The following PSD3 variants were observed in gnomAD, a reference collection of about 807,000 sequenced individuals.
PSD3 encodes the protein PH and SEC7 domain-containing protein 3.
A neutral mutation model predicts 105.5 loss-of-function variants in PSD3; 49 were observed. The observed-to-expected ratio is 0.46, with a 90% CI of 0.37 to 0.59. The LOEUF is 0.59. Ranked by LOEUF, PSD3 falls within the 20% of genes least tolerant of loss-of-function variation. PSD3 has a pLI of 0.00. For missense variants in PSD3, 1,561 were observed against 1,263.8 expected, an observed-to-expected ratio of 1.24 and a Z score of -3.57; for synonymous variants, 557 against 457.8, an observed-to-expected ratio of 1.22 and a Z score of -2.77.
Position 18,867,928 on chromosome 8 carries a change from G to A in PSD3, c.1380C>T (p.Ser460=). The A allele has an allele frequency of 6.2e-7, 1 of 1,614,104 alleles. No individual in the cohort carries two copies. Among genetic ancestry groups the A allele is most frequent in the Non-Finnish European group, 8.5e-7 (1 of 1,180,020 alleles). ...CAGGCTCTGAGTATAATGTCTCCAGGGACTCTGCACTGTAGTATAAAGAAG... is the reference window on the plus strand; with the variant it reads ...CAGGCTCTGAGTATAATGTCTCCAGAGACTCTGCACTGTAGTATAAAGAAG... The part of the protein sequence containing the change: ...DNTSLYYSAE[S]LETLYSEPDS... Residue 460 remains serine, a synonymous_variant, in exon 4 of 16, where the codon TCC becomes TCT. Transcript: ENST00000327040.
chr8:19,043,703 G>C (rs1385264861), intron 1 of PSD3, among the ~76,000 whole-genome samples: 2 of 152,112 alleles, frequency 1.3e-5, no homozygotes, highest in Non-Finnish European at 2.9e-5. Context: ...CTTAATAAAA[G>C]GGCTTTTGAG....
chr8:18,554,189 G>T (rs193072633), intron 15 of PSD3, among the ~76,000 whole-genome samples: 76 of 152,322 alleles, frequency 5.0e-4, no homozygotes, highest in African/African-American at 1.7e-3. Flanking sequence ...AAGGGCTCCA[G>T]CGAGGTGCTG....
At chr8:18,983,737 G>A (rs1825355113) in intron 1 of PSD3, among the ~76,000 whole-genome samples, 1 of 152,004 alleles carries the variant, frequency 6.6e-6, no homozygotes, top group Non-Finnish European at 1.5e-5. Context: ...AGTGGCTCAT[G>A]CCTGTAATCC....
chr8:18,968,384 C>T (rs759548008), intron 1 of PSD3, among the ~76,000 whole-genome samples: 1 of 152,202 alleles, frequency 6.6e-6, no homozygotes, highest in Non-Finnish European at 1.5e-5. Context: ...CAATTGTCCT[C>T]GTTCAAATGG....
intron 2 of PSD3, among the ~76,000 whole-genome samples, chr8:18,900,565 G>A (rs1819438507): frequency 6.6e-6 from 1 of 151,652 alleles, no homozygotes; most frequent in African/African-American, 2.4e-5. Context: ...TACTTTGTAT[G>A]GGTTCCACGG....
intron 8 of PSD3, among the ~76,000 whole-genome samples, chr8:18,781,507 G>T (rs964681918): frequency 1.3e-5 from 2 of 152,118 alleles, no homozygotes; most frequent in Non-Finnish European, 2.9e-5. Flanking sequence ...TTGAACTTTG[G>T]GGGTAGGGTT....
chr8:18,580,063 T>C (rs911297484), intron 12 of PSD3, among the ~76,000 whole-genome samples: 4 of 152,246 alleles, frequency 2.6e-5, no homozygotes, highest in South Asian at 2.1e-4. Flanking sequence ...ATGTTTTTTA[T>C]AATTTGATGA....
At chr8:19,051,391 C>G (rs1432486965) in intron 1 of PSD3, among the ~76,000 whole-genome samples, 2 of 152,084 alleles carry the variant, frequency 1.3e-5, no homozygotes, top group Non-Finnish European at 2.9e-5. Context: ...TATACTTATT[C>G]GTGTTATCAA....
In PSD3 at chr8:18,823,434, A is replaced by T. The variant is rs188213153; in HGVS notation, c.1635-18536T>A. Among the ~76,000 whole-genome samples the T allele has an allele frequency of 5.1e-4, 78 of 152,310 alleles. 1 individual carries two copies. The highest frequency in any genetic ancestry group is 9.0e-4 in the Non-Finnish European group (61 of 68,016). ...ACAAAATACAAGTAAAGTGGCAATAATAGCAAAGGCGTGAATTCTCCCCTC... is the reference window on the plus strand; with the variant it reads ...ACAAAATACAAGTAAAGTGGCAATATTAGCAAAGGCGTGAATTCTCCCCTC... On this transcript the variant is annotated intron_variant, in intron 4 of 15. Coordinates refer to ENST00000327040, the MANE Select transcript of PSD3 (RefSeq NM_015310.4).
At chr8:18,557,344 G>A (rs1176747229) in intron 14 of PSD3, 1 of 151,966 alleles carries the variant, frequency 6.6e-6, no homozygotes, top group African/African-American at 2.4e-5. Context: ...TAGAATGAGG[G>A]GAATAATTTT....
intron 8 of PSD3, among the ~76,000 whole-genome samples, chr8:18,784,553 G>A (rs1808947235): frequency 6.6e-6 from 1 of 152,162 alleles, no homozygotes; most frequent in African/African-American, 2.4e-5. Flanking sequence ...GGTAGCAGTG[G>A]GTTGTCAGTT....
chr8:18,568,384 T>C (rs1801927210), intron 14 of PSD3, among the ~76,000 whole-genome samples: 1 of 152,122 alleles, frequency 6.6e-6, no homozygotes, highest in African/African-American at 2.4e-5. Context: ...TTCTGAGCTC[T>C]GGCCACTGCA....
chr8:18,553,568 A>G (rs1800900043), intron 15 of PSD3, among the ~76,000 whole-genome samples: 1 of 152,348 alleles, frequency 6.6e-6, no homozygotes, highest in East Asian at 1.9e-4. Flanking sequence ...TAACTCTTAT[A>G]TCTGCTATGA....
At chr8:19,003,665 G>A (rs747342221) in intron 1 of PSD3, among the ~76,000 whole-genome samples, 18 of 151,768 alleles carry the variant, frequency 1.2e-4, no homozygotes, top group African/African-American at 2.9e-4. Flanking sequence ...CCTCCCAAGA[G>A]AGTGGTGGCA....
At chr8:18,725,606 CA>C (rs1250083153) in intron 9 of PSD3, among the ~76,000 whole-genome samples, 1 of 152,108 alleles carries the variant, frequency 6.6e-6, no homozygotes, top group African/African-American at 2.4e-5. Context: ...GTACATGTCC[CA>C]AAGTAAAGGA....
At chr8:18,636,705 A>G (rs1807278321) in intron 10 of PSD3, among the ~76,000 whole-genome samples, 1 of 152,170 alleles carries the variant, frequency 6.6e-6, no homozygotes, top group Admixed American at 6.5e-5. Flanking sequence ...TTTTTTGATT[A>G]CTGTTTGTTT....
intron 10 of PSD3, among the ~76,000 whole-genome samples, chr8:18,654,615 T>C (rs1222694224): frequency 6.6e-6 from 1 of 152,188 alleles, no homozygotes; most frequent in Non-Finnish European, 1.5e-5. Flanking sequence ...GTGTAGCTCA[T>C]CTTTAATAGT....
intron 1 of PSD3, among the ~76,000 whole-genome samples, chr8:19,051,391 C>T (rs1432486965): frequency 2.0e-5 from 3 of 152,084 alleles, no homozygotes; most frequent in African/African-American, 4.8e-5. Context: ...TATACTTATT[C>T]GTGTTATCAA....
chr8:18,948,261 A>G (rs1448339664), intron 1 of PSD3, among the ~76,000 whole-genome samples: 3 of 152,228 alleles, frequency 2.0e-5, no homozygotes, highest in Non-Finnish European at 2.9e-5. Context: ...TTGCATTTAA[A>G]AAATAAAAAC....
Sources: allele counts gnomAD v4.1 joint callset (sites outside exome capture counted in the v4.1 genomes callset), GRCh38; gene constraint gnomAD v4.1.1; transcripts MANE v1.5; gene names NCBI Gene and HGNC (gene_info 2026-07-23, HGNC 2026-07-21).